ETV1: variants seen among roughly 807,000 people sequenced by gnomAD.
ETV1 encodes the protein ETS variant transcription factor 1, also known as ETS translocation variant 1.
Under a neutral mutation model 62.3 loss-of-function variants are expected in ETV1, and 27 were observed. The ratio of observed to expected loss-of-function variants is 0.43; its 90% CI spans 0.32 to 0.60. The LOEUF (loss-of-function observed/expected upper bound fraction) is 0.60, where lower values mean the gene tolerates loss of function less well. Ranked by LOEUF, ETV1 falls within the 20% of genes least tolerant of loss-of-function variation. The pLI, the probability that ETV1 is intolerant of heterozygous loss-of-function variation, is 0.06. For missense variants in ETV1, 605 were observed against 605.8 expected (o/e 1.00, Z 0.01); for synonymous variants, 222 against 199.6 (o/e 1.11, Z -0.94).
intron 6 of ETV1, among the ~76,000 whole-genome samples, chr7:13,953,766 G>A (rs1051426516): frequency 2.0e-5 from 3 of 151,844 alleles, no homozygotes; most frequent in African/African-American, 7.3e-5. Flanking sequence ...CCACAGTGCT[G>A]TCCTCTGTAG....
intron 5 of ETV1, among the ~76,000 whole-genome samples, chr7:13,982,521 C>T (rs1296204206): frequency 1.3e-5 from 2 of 151,836 alleles, no homozygotes; most frequent in East Asian, 1.9e-4. Context: ...ATAAAATATA[C>T]TTTATCTGCT....
chr7:13,976,256 T>G (rs570293440), intron 6 of ETV1, among the ~76,000 whole-genome samples: 10 of 152,186 alleles, frequency 6.6e-5, no homozygotes, highest in Non-Finnish European at 1.5e-4. Flanking sequence ...GAACTTCAGC[T>G]TGGGATACAA....
intron 6 of ETV1, among the ~76,000 whole-genome samples, chr7:13,968,116 G>A (rs1412267789): frequency 2.0e-5 from 3 of 151,986 alleles, no homozygotes; most frequent in Non-Finnish European, 4.4e-5. Context: ...TTCAACCAAA[G>A]AAGGTATAGA....
intron 13 of ETV1, among the ~76,000 whole-genome samples, chr7:13,900,091 T>G (rs1782258206): frequency 1.3e-5 from 2 of 152,216 alleles, no homozygotes; most frequent in South Asian, 2.1e-4. Flanking sequence ...ATCACGCCAC[T>G]GCACTCTACC....
chr7:13,920,992 C>T (rs1784781417), intron 9 of ETV1, among the ~76,000 whole-genome samples: 1 of 152,172 alleles, frequency 6.6e-6, no homozygotes, highest in Admixed American at 6.5e-5. Context: ...AAGTGATCTA[C>T]TAGTCCACAA....
At chr7:13,930,840 A>G (rs900213086) in intron 9 of ETV1, among the ~76,000 whole-genome samples, 1 of 151,572 alleles carries the variant, frequency 6.6e-6, no homozygotes, top group Non-Finnish European at 1.5e-5. Flanking sequence ...TCTCTCTGTC[A>G]CCCAGGCTGG....
intron 6 of ETV1, among the ~76,000 whole-genome samples, chr7:13,950,942 A>ACACACACACACAC (rs1788746853): frequency 1.6e-5 from 2 of 127,894 alleles, no homozygotes; most frequent in Admixed American, 7.4e-5. Flanking sequence ...ACACACACAC[A>ACACACACACACAC]ATATCGAGCA....
chr7:13,939,271 AC>A (rs780065064), intron 6 of ETV1, 25 bp from the exon 7 acceptor site: 1 of 1,592,144 alleles, frequency 6.3e-7, no homozygotes, highest in Non-Finnish European at 8.5e-7. Context: ...AAAAATATCC[AC>A]AAAAATTAAA....
At chr7:13,937,431 A>T (rs1411791081) in intron 7 of ETV1, among the ~76,000 whole-genome samples, 4 of 152,128 alleles carry the variant, frequency 2.6e-5, no homozygotes, top group Non-Finnish European at 4.4e-5. Flanking sequence ...TAGCGATGGA[A>T]GTACCAGAAT....
Position 13,895,809 on chromosome 7 carries a change from T to C in ETV1, c.*57A>G. 1 of 1,105,512 alleles carries C rather than the reference T, an allele frequency of 9.0e-7. No individual in the cohort carries two copies. The highest frequency in any genetic ancestry group is 1.4e-6 in the Non-Finnish European group (1 of 738,738). The allele number at this position is 1,105,512 out of a possible 1,614,324, so 68.5% of individuals were successfully genotyped here. On this transcript the variant is annotated 3_prime_UTR_variant, in exon 14 of 14. Coordinates refer to ENST00000430479, the MANE Select transcript of ETV1 (RefSeq NM_004956.5). ...ATAAAACAAAGATTCAGCAATTCTC[T>C]GTATCTTGCAGAAAAAAGGAAAAGC...
chr7:13,894,548 A>G lies in ETV1; in HGVS notation c.*1318T>C. On this transcript the variant is annotated 3_prime_UTR_variant, in exon 14 of 14. Coordinates refer to ENST00000430479, the MANE Select transcript of ETV1 (RefSeq NM_004956.5). ...CACCAAAAGTTACAAAAGGTTCCAC[A>G]GTTTCCTTTAGCAAGCTGAAGCTTA... 4.3e-6 allele frequency: 1 copy of G among 232,692 alleles called. No homozygotes were observed. The highest frequency in any genetic ancestry group is 8.5e-6 in the Non-Finnish European group (1 of 117,438). 14.4% of individuals were successfully genotyped at this position (232,692 alleles called of 1,614,324 possible). A position where few individuals can be genotyped will look rare whatever the true frequency, so the allele number is the denominator to read the frequency against.
chr7:13,901,609 T>C (rs1358391821), intron 12 of ETV1, among the ~76,000 whole-genome samples: 1 of 152,126 alleles, frequency 6.6e-6, no homozygotes, highest in Non-Finnish European at 1.5e-5. Context: ...CTCAATACTA[T>C]ATGAAAGAGT....
intron 9 of ETV1, among the ~76,000 whole-genome samples, chr7:13,931,052 G>C (rs975910609): frequency 6.6e-6 from 1 of 152,104 alleles, no homozygotes; most frequent in East Asian, 1.9e-4. Context: ...AAAGTGCTGG[G>C]ATTACAGGCG....
intron 7 of ETV1, 96 bp from the exon 8 acceptor site, chr7:13,935,992 T>A: frequency 1.0e-6 from 1 of 962,530 alleles, no homozygotes; most frequent in Non-Finnish European, 1.5e-6. Context: ...ATTTTAGACT[T>A]AAGTCAAATG....
At chr7:13,903,993 T>G (rs980085675) in intron 12 of ETV1, among the ~76,000 whole-genome samples, 5 of 152,158 alleles carry the variant, frequency 3.3e-5, no homozygotes, top group Admixed American at 6.5e-5. Flanking sequence ...AACCCATCAG[T>G]AATTCCAATA....
At chr7:13,981,440 G>A (rs181684142) in intron 5 of ETV1, among the ~76,000 whole-genome samples, 305 of 152,056 alleles carry the variant, frequency 2.0e-3, no homozygotes, top group African/African-American at 7.0e-3. Context: ...CAATTTTATT[G>A]CTCTGTCTCA....
intron 6 of ETV1, among the ~76,000 whole-genome samples, chr7:13,963,505 T>C (rs1052131573): frequency 6.7e-6 from 1 of 149,426 alleles, no homozygotes. Context: ...TTAAGGTTTT[T>C]GAAAACATTT....
At chr7:13,909,912 G>A (rs1432988161) in intron 10 of ETV1, among the ~76,000 whole-genome samples, 4 of 152,050 alleles carry the variant, frequency 2.6e-5, no homozygotes, top group African/African-American at 9.7e-5. Context: ...ATGTTATAGG[G>A]TTGCTGTAGT....
Position 13,953,018 on chromosome 7 carries a change from T to G in ETV1, c.236-13772A>C, listed in dbSNP as rs1789009739. ...AGAACAGGGAAAGGAAGGCCTAATG[T>G]ATGAACAATCCAAATCTAATCAGTT... is the stretch of plus-strand genomic sequence containing the variant. On this transcript the variant is annotated intron_variant, in intron 6 of 13. Coordinates refer to ENST00000430479, the MANE Select transcript of ETV1 (RefSeq NM_004956.5). Among the ~76,000 whole-genome samples the G allele has an allele frequency of 3.3e-5, 5 of 152,328 alleles. No individual in the cohort carries two copies. The South Asian group carries it at 8.3e-4, about 25-fold the overall frequency.
Sources: allele counts gnomAD v4.1 joint callset (sites outside exome capture counted in the v4.1 genomes callset), GRCh38; gene constraint gnomAD v4.1.1; transcripts MANE v1.5; gene names NCBI Gene and HGNC (gene_info 2026-07-23, HGNC 2026-07-21).